EPS8: variants seen among roughly 807,000 people sequenced by gnomAD.
EPS8 encodes epidermal growth factor receptor kinase substrate 8.
In EPS8, 42 loss-of-function variants were observed where a neutral mutation model predicts 103.8. The observed-to-expected ratio is 0.40, with a 90% CI of 0.32 to 0.52. The LOEUF (loss-of-function observed/expected upper bound fraction) is 0.52. Among genes scored for constraint, EPS8 ranks in the 20% least tolerant of loss-of-function variants. EPS8 has a pLI of 0.40. For missense variants in EPS8, 969 were observed against 1,005.1 expected, an observed-to-expected ratio of 0.96 and a Z score of 0.49; for synonymous variants, 344 against 344.6, an observed-to-expected ratio of 1.00 and a Z score of 0.02.
chr12:15,663,945 A>T (rs1945657136), intron 8 of EPS8, among the ~76,000 whole-genome samples: 1 of 23,118 alleles, frequency 4.3e-5, no homozygotes. Flanking sequence ...AAAAAAAAAA[A>T]ATAATATATA....
chr12:15,703,847 G>GTTTTTTT (rs58735135), intron 1 of EPS8, among the ~76,000 whole-genome samples: 65 of 61,178 alleles, frequency 1.1e-3, no homozygotes, highest in African/African-American at 2.3e-3. Flanking sequence ...CTATGTATTT[G>GTTTTTTT]TTTTTTTTTT....
intron 3 of EPS8, among the ~76,000 whole-genome samples, chr12:15,673,419 T>A (rs1216909526): frequency 1.3e-5 from 2 of 152,220 alleles, no homozygotes. Context: ...AAGGCAATTA[T>A]AATACATTTC....
chr12:15,649,077 T>A (rs764353853), intron 14 of EPS8, among the ~76,000 whole-genome samples: 7 of 152,336 alleles, frequency 4.6e-5, no homozygotes, highest in Non-Finnish European at 1.0e-4. Flanking sequence ...TGCTAGAATG[T>A]GTTTTTCATT....
chr12:15,676,853 A>T (rs1472393070), intron 3 of EPS8, among the ~76,000 whole-genome samples: 1 of 152,210 alleles, frequency 6.6e-6, no homozygotes, highest in Non-Finnish European at 1.5e-5. Context: ...GTAATTTAAA[A>T]ATGGCAAAAT....
In EPS8 at chr12:15,780,797, C is replaced by T. The variant is rs1277494393; in HGVS notation, c.-22+8364G>A. On this transcript the variant is annotated intron_variant, in intron 1 of 20. Coordinates refer to ENST00000281172, the MANE Select transcript of EPS8 (RefSeq NM_004447.6). The surrounding 1 kb of genome is among the most constrained non-coding windows in gnomAD (Gnocchi z 4.1). ...TGGTGTCTGGCACAGAACAGATACT[C>T]AACAAACACTCGATAAAAGATGAAT... The T allele has an allele frequency of 1.3e-5, 2 of 152,126 alleles. No individual in the cohort carries two copies. Among genetic ancestry groups the T allele is most frequent in the African/African-American group, 4.8e-5 (2 of 41,428 alleles). The allele number at this position is 152,126 out of a possible 1,614,324, so 9.4% of individuals were successfully genotyped here. A position where few individuals can be genotyped will look rare whatever the true frequency, so the allele number is the denominator to read the frequency against.
intron 1 of EPS8, among the ~76,000 whole-genome samples, chr12:15,744,276 A>C (rs1418971624): frequency 2.6e-5 from 4 of 152,196 alleles, no homozygotes; most frequent in Non-Finnish European, 1.5e-5. Flanking sequence ...CACTTTGTTA[A>C]AAGAGCTGGT....
chr12:15,693,668 G>A lies in EPS8; in HGVS notation c.-21-10696C>T, dbSNP rs920023043. 2.0e-5 allele frequency among the ~76,000 whole-genome samples: 3 copies of A among 152,090 alleles called. No homozygotes were observed. Among genetic ancestry groups the A allele is most frequent in the African/African-American group, 7.2e-5 (3 of 41,424 alleles). Reference sequence around the variant, plus strand: ...CCCTTTACTGTTATTTTATTTGGAGGAAGTGAAATAAATGCATATACCACC... The same window carrying A: ...CCCTTTACTGTTATTTTATTTGGAGAAAGTGAAATAAATGCATATACCACC... On this transcript the variant is annotated intron_variant, in intron 1 of 20. Coordinates refer to ENST00000281172, the MANE Select transcript of EPS8 (RefSeq NM_004447.6). This position sits in a 1 kb window ranked among gnomAD's most constrained non-coding sequence, Gnocchi z 5.6.
rs930123124 is a variant in EPS8, at chr12:15,693,099, T to A, written c.-21-10127A>T. Among the ~76,000 whole-genome samples the A allele has an allele frequency of 6.6e-6, 1 of 152,064 alleles. No individual in the cohort carries two copies. Among genetic ancestry groups the A allele is most frequent in the Non-Finnish European group, 1.5e-5 (1 of 67,994 alleles). ...TGGCAAGAAAGTCAGTGTCCATGGG[T>A]GGGGCTTGTGAACAAGTGGGCTTCA... On this transcript the variant is annotated intron_variant, in intron 1 of 20. Transcript: ENST00000281172. This position sits in a 1 kb window ranked among gnomAD's most constrained non-coding sequence, Gnocchi z 5.6.
Position 15,787,954 on chromosome 12 carries a change from T to C in EPS8, c.-22+1207A>G, listed in dbSNP as rs892745802. 4 of 152,196 alleles carry C rather than the reference T, an allele frequency of 2.6e-5. No individual in the cohort carries two copies. Among genetic ancestry groups the C allele is most frequent in the Non-Finnish European group, 5.9e-5 (4 of 68,034 alleles). The allele number at this position is 152,196 out of a possible 1,614,324, so 9.4% of individuals were successfully genotyped here. ...AGGATGACATTGACTTTAATTCCAA[T>C]AGACTCACTACCACATGACGTCCAT... On this transcript the variant is annotated intron_variant, in intron 1 of 20. Coordinates refer to ENST00000281172, the MANE Select transcript of EPS8 (RefSeq NM_004447.6). This position sits in a 1 kb window ranked among gnomAD's most constrained non-coding sequence, Gnocchi z 4.9.
rs538656846 is a variant in EPS8 at position 15,762,085 on chromosome 12, A to C, written c.-22+27076T>G. On this transcript the variant is annotated intron_variant, in intron 1 of 20. Transcript: ENST00000281172. This position sits in a 1 kb window ranked among gnomAD's most constrained non-coding sequence, Gnocchi z 4.8. Reference sequence around the variant, plus strand: ...ATATATAGAGCTCAAACAACTCTACAAGAAAACATCTAATAATCCATTCAA... The same window carrying C: ...ATATATAGAGCTCAAACAACTCTACCAGAAAACATCTAATAATCCATTCAA... Among the ~76,000 whole-genome samples, 29 of 152,322 alleles carry C rather than the reference A, an allele frequency of 1.9e-4. No individual in the cohort carries two copies. Among genetic ancestry groups the C allele is most frequent in the African/African-American group, 7.0e-4 (29 of 41,586 alleles).
At position 15,715,430 on chromosome 12, in the gene EPS8, C is replaced by T. The variant is rs1946521948; in HGVS notation, c.-21-32458G>A. 2.5e-5 allele frequency among the ~76,000 whole-genome samples: 3 copies of T among 120,070 alleles called. No homozygotes were observed. In the South Asian group the frequency reaches 8.3e-4, roughly 33 times the overall value. The allele number at this position is 120,070 out of a possible 152,430, so 78.8% of individuals were successfully genotyped here. A position where few individuals can be genotyped will look rare whatever the true frequency, so the allele number is the denominator to read the frequency against. On this transcript the variant is annotated intron_variant, in intron 1 of 20. Transcript: ENST00000281172. ...TTTTTTGAGATGGAGTTTCACTCTG[C>T]CGCCCAGGCTGGAGTGTGCAGTGGC...
chr12:15,649,865 C>T (rs1790077249), intron 14 of EPS8, among the ~76,000 whole-genome samples: 1 of 152,032 alleles, frequency 6.6e-6, no homozygotes, highest in Non-Finnish European at 1.5e-5. Context: ...TTATAAATAC[C>T]TATGATAGTC....
chr12:15,663,997 G>A, intron 8 of EPS8, among the ~76,000 whole-genome samples: 1 of 116,786 alleles, frequency 8.6e-6, no homozygotes, highest in Non-Finnish European at 1.8e-5. Flanking sequence ...ATATATATAT[G>A]GTTCAACATA....
chr12:15,722,946 A>G (rs553280717), intron 1 of EPS8, among the ~76,000 whole-genome samples: 15 of 151,978 alleles, frequency 9.9e-5, no homozygotes, highest in African/African-American at 3.4e-4. Flanking sequence ...CCCAGCTACC[A>G]GTAGATTTTT....
rs1947205632 is a variant in EPS8, at chr12:15,776,262, T to C, written c.-22+12899A>G. Among the ~76,000 whole-genome samples the C allele has an allele frequency of 6.6e-6, 1 of 152,152 alleles. No individual in the cohort carries two copies. Among genetic ancestry groups the C allele is most frequent in the African/African-American group, 2.4e-5 (1 of 41,438 alleles). On this transcript the variant is annotated intron_variant, in intron 1 of 20. Coordinates refer to ENST00000281172, the MANE Select transcript of EPS8 (RefSeq NM_004447.6). The surrounding 1 kb of genome is among the most constrained non-coding windows in gnomAD (Gnocchi z 4.2). Reference sequence around the variant, plus strand: ...ATGATCATAGCTAGAAGCTTTTAAATGTAATTTTGGGGGGAAATAATACAC... The same window carrying C: ...ATGATCATAGCTAGAAGCTTTTAAACGTAATTTTGGGGGGAAATAATACAC...
chr12:15,663,378 G>C (rs192988215), intron 8 of EPS8, among the ~76,000 whole-genome samples: 24 of 152,214 alleles, frequency 1.6e-4, no homozygotes, highest in Admixed American at 1.5e-3. Context: ...CAACGGAGAA[G>C]CAGTTCAGCC....
rs1946502396 is a variant in EPS8 at position 15,714,186 on chromosome 12, T to C, written c.-21-31214A>G. On this transcript the variant is annotated intron_variant, in intron 1 of 20. Transcript: ENST00000281172. This position sits in a 1 kb window ranked among gnomAD's most constrained non-coding sequence, Gnocchi z 4.1. ...ATGATTTACTGTGATTATTAACAAA[T>C]ATGCCAAACAGAAAATTGAGTGCTC... 6.6e-6 allele frequency among the ~76,000 whole-genome samples: 1 copy of C among 151,948 alleles called. No homozygotes were observed. The highest frequency in any genetic ancestry group is 2.4e-5 in the African/African-American group (1 of 41,366).
At chr12:15,711,077 T>C (rs1946456845) in intron 1 of EPS8, among the ~76,000 whole-genome samples, 1 of 149,230 alleles carries the variant, frequency 6.7e-6, no homozygotes, top group African/African-American at 2.5e-5. Context: ...TATTTATTTA[T>C]TTATTTTGGT....
intron 1 of EPS8, among the ~76,000 whole-genome samples, chr12:15,783,807 T>C (rs990043200): frequency 1.3e-5 from 2 of 151,966 alleles, no homozygotes; most frequent in African/African-American, 4.8e-5. Context: ...TATATATTGG[T>C]TTCTAAGTCA....
Sources: allele counts gnomAD v4.1 joint callset (sites outside exome capture counted in the v4.1 genomes callset), GRCh38; gene constraint gnomAD v4.1.1; non-coding constraint Gnocchi (gnomAD v3.1); transcripts MANE v1.5; gene names NCBI Gene and HGNC (gene_info 2026-07-23, HGNC 2026-07-21).